FARS2: variants seen among roughly 807,000 people sequenced by gnomAD.
FARS2 encodes the protein phenylalanine--tRNA ligase, mitochondrial.
Under a neutral mutation model 46.4 loss-of-function variants are expected in FARS2, and 40 were observed. The observed-to-expected ratio is 0.86, with a 90% CI of 0.67 to 1.12. FARS2 has a LOEUF of 1.12. FARS2 is among the 50% of genes most tolerant of loss of function. The pLI, the probability that FARS2 is intolerant of heterozygous loss-of-function variation, is 0.00. For synonymous variants in FARS2, 234 were observed against 214.9 expected, an observed-to-expected ratio of 1.09 and a Z score of -0.78; for missense variants, 513 against 567.9, an observed-to-expected ratio of 0.90 and a Z score of 0.98.
At chr6:5,607,982 TA>T (rs991135994) in intron 5 of FARS2, among the ~76,000 whole-genome samples, 6 of 60,042 alleles carry the variant, frequency 1.0e-4, no homozygotes, top group South Asian at 7.5e-4. Context: ...CTTGGGCATG[TA>T]TTTTTTTTTT....
rs939027645 is a variant in FARS2 at position 5,746,346 on chromosome 6, G to A, written c.1218-24945G>A. On this transcript the variant is annotated intron_variant, in intron 6 of 6. Transcript: ENST00000274680. ...GTGTGTGTGCACTGTTACTCCATACGGATGGTATCTGCTTTATGTGTTTGA... is the reference window on the plus strand; with the variant it reads ...GTGTGTGTGCACTGTTACTCCATACAGATGGTATCTGCTTTATGTGTTTGA... Among the ~76,000 whole-genome samples the A allele has an allele frequency of 8.5e-5, 13 of 152,186 alleles. No individual in the cohort carries two copies. In the East Asian group the frequency reaches 1.4e-3, roughly 16 times the overall value.
At chr6:5,357,057 A>G (rs1476706356) in intron 1 of FARS2, among the ~76,000 whole-genome samples, 2 of 152,038 alleles carry the variant, frequency 1.3e-5, no homozygotes, top group African/African-American at 2.4e-5. Flanking sequence ...TCTTGCCACT[A>G]TGTTCAGGAT....
At chr6:5,399,120 ATAT>A (rs934332612) in intron 2 of FARS2, among the ~76,000 whole-genome samples, 1 of 135,456 alleles carries the variant, frequency 7.4e-6, no homozygotes, top group African/African-American at 3.0e-5. Flanking sequence ...GGTAGATTTT[ATAT>A]TATTTTATTA....
At chr6:5,653,249 T>C (rs1405472685) in intron 6 of FARS2, among the ~76,000 whole-genome samples, 1 of 152,242 alleles carries the variant, frequency 6.6e-6, no homozygotes, top group African/African-American at 2.4e-5. Flanking sequence ...TATCCTCTTA[T>C]TATTTTATAG....
chr6:5,281,304 C>T (rs1766707542), intron 1 of FARS2, among the ~76,000 whole-genome samples: 1 of 152,114 alleles, frequency 6.6e-6, no homozygotes, highest in South Asian at 2.1e-4. Flanking sequence ...GTATTAGAGG[C>T]ATCAGGTTTA....
chr6:5,260,297 C>G (rs748035597), upstream of FARS2, among the ~76,000 whole-genome samples: 8 of 152,238 alleles, frequency 5.3e-5, no homozygotes, highest in Non-Finnish European at 1.0e-4. Flanking sequence ...TTTACATATG[C>G]AACACACTGG....
intron 4 of FARS2, among the ~76,000 whole-genome samples, chr6:5,460,422 C>T (rs779641451): frequency 3.9e-5 from 6 of 152,152 alleles, no homozygotes; most frequent in Non-Finnish European, 7.4e-5. Flanking sequence ...CTATTTTAAA[C>T]AGAAAGAGAC....
intron 6 of FARS2, among the ~76,000 whole-genome samples, chr6:5,669,611 C>A (rs539457551): frequency 6.6e-6 from 1 of 152,284 alleles, no homozygotes; most frequent in Non-Finnish European, 1.5e-5. Context: ...TTTCGCTCAT[C>A]ATATTGCAGT....
At chr6:5,468,310 C>G (rs1300099897) in intron 4 of FARS2, among the ~76,000 whole-genome samples, 1 of 148,818 alleles carries the variant, frequency 6.7e-6, no homozygotes, top group East Asian at 2.0e-4. Flanking sequence ...CTCAAGATTT[C>G]AGAGCATGCC....
chr6:5,559,840 G>A (rs1267697446), intron 5 of FARS2, among the ~76,000 whole-genome samples: 15 of 152,130 alleles, frequency 9.9e-5, no homozygotes, highest in South Asian at 2.1e-4. Context: ...ACACACCTGC[G>A]CACTATGCTA....
At chr6:5,669,317 G>T (rs1248637817) in intron 6 of FARS2, among the ~76,000 whole-genome samples, 1 of 152,028 alleles carries the variant, frequency 6.6e-6, no homozygotes, top group Non-Finnish European at 1.5e-5. Flanking sequence ...AGTTGCTCCC[G>T]CAGGTCCCAT....
At chr6:5,635,783 C>T (rs923098535) in intron 6 of FARS2, among the ~76,000 whole-genome samples, 4 of 152,042 alleles carry the variant, frequency 2.6e-5, no homozygotes, top group South Asian at 2.1e-4. Flanking sequence ...GTCTACATGG[C>T]AAAGGGAGCC....
At chr6:5,721,653 A>G (rs1179564381) in intron 6 of FARS2, among the ~76,000 whole-genome samples, 1 of 152,210 alleles carries the variant, frequency 6.6e-6, no homozygotes, top group East Asian at 1.9e-4. Flanking sequence ...TAGTATCATC[A>G]CCAATCCTAT....
chr6:5,417,795 G>C (rs1009666426), intron 3 of FARS2, among the ~76,000 whole-genome samples: 1 of 152,076 alleles, frequency 6.6e-6, no homozygotes, highest in African/African-American at 2.4e-5. Flanking sequence ...GGAAAATTGT[G>C]GTCAATTATT....
intron 1 of FARS2, among the ~76,000 whole-genome samples, chr6:5,287,507 C>A (rs901914910): frequency 6.6e-6 from 1 of 152,142 alleles, no homozygotes; most frequent in African/African-American, 2.4e-5. Context: ...TCTTGCTCTC[C>A]CGTGTCCCTG....
intron 2 of FARS2, among the ~76,000 whole-genome samples, chr6:5,396,833 G>T (rs1269767803): frequency 1.3e-5 from 2 of 152,096 alleles, no homozygotes; most frequent in Non-Finnish European, 2.9e-5. Context: ...ACCTCTTCAA[G>T]AGCGGTAAAT....
At chr6:5,367,500 C>T (rs1037261629) in intron 1 of FARS2, among the ~76,000 whole-genome samples, 5 of 151,910 alleles carry the variant, frequency 3.3e-5, no homozygotes, top group African/African-American at 1.2e-4. Context: ...TGGTTCACAG[C>T]CCTTTGCGGT....
chr6:5,540,671 G>A (rs933945609), intron 4 of FARS2, among the ~76,000 whole-genome samples: 4 of 152,226 alleles, frequency 2.6e-5, no homozygotes, highest in African/African-American at 9.6e-5. Flanking sequence ...ACATTGTGTA[G>A]GGACTGTTTT....
rs377151938 is a variant in FARS2, at chr6:5,759,694, G to T, written c.1218-11597G>T. Among the ~76,000 whole-genome samples the T allele has an allele frequency of 6.7e-4, 102 of 152,244 alleles. 4 individuals are homozygous for T. In the South Asian group the frequency reaches 0.021, roughly 31 times the overall value. ...AAAAACGGGTAGAGGAGTTTGAAGG[G>T]CTATCATGGAGGAGAAGGACTGGAG... On this transcript the variant is annotated intron_variant, in intron 6 of 6. Coordinates refer to ENST00000274680, the MANE Select transcript of FARS2 (RefSeq NM_006567.5).
Sources: allele counts gnomAD v4.1 joint callset (sites outside exome capture counted in the v4.1 genomes callset), GRCh38; gene constraint gnomAD v4.1.1; transcripts MANE v1.5; gene names NCBI Gene and HGNC (gene_info 2026-07-23, HGNC 2026-07-21).